The following FBXL7 variants were observed in gnomAD, a reference collection of about 807,000 sequenced individuals.
FBXL7 encodes F-box/LRR-repeat protein 7.
In FBXL7, 12 loss-of-function variants were observed where a neutral mutation model predicts 38.3. The ratio of observed to expected loss-of-function variants is 0.31; its 90% CI spans 0.20 to 0.51. The LOEUF (loss-of-function observed/expected upper bound fraction) is 0.51, where lower values mean the gene tolerates loss of function less well. FBXL7 is among the 20% of genes least tolerant of loss of function. The pLI, the probability that FBXL7 is intolerant of heterozygous loss-of-function variation, is 0.98. For synonymous variants in FBXL7, 297 were observed against 300.9 expected (o/e 0.99, Z 0.13); for missense variants, 567 against 676.4 (o/e 0.84, Z 1.79).
intron 2 of FBXL7, among the ~76,000 whole-genome samples, chr5:15,708,079 AT>A (rs1743746996): frequency 6.6e-6 from 1 of 152,134 alleles, no homozygotes; most frequent in African/African-American, 2.4e-5. Context: ...TTGATGATGT[AT>A]TTTCCACTTT....
intron 2 of FBXL7, among the ~76,000 whole-genome samples, chr5:15,706,150 C>A (rs919293622): frequency 6.6e-6 from 1 of 152,174 alleles, no homozygotes; most frequent in African/African-American, 2.4e-5. Context: ...CTGTCTAAAT[C>A]TTACGTTGAA....
rs183463661 is a variant in FBXL7, at chr5:15,651,853, C to T, written c.127+35781C>T. The stretch of plus-strand genomic sequence containing the variant: ...TAGCTGTGAAAGTTCTGGATGGCAC[C>T]TTCTTGTAATAAAAGGCTACTTCAT... On this transcript the variant is annotated intron_variant, in intron 2 of 3. Coordinates refer to ENST00000504595, the MANE Select transcript of FBXL7 (RefSeq NM_012304.5). Among the ~76,000 whole-genome samples the T allele has an allele frequency of 2.0e-3, 298 of 152,292 alleles. 4 individuals carry two copies. Among genetic ancestry groups the T allele is most frequent in the Non-Finnish European group, 3.6e-3 (242 of 68,028 alleles).
chr5:15,852,103 C>T (rs1055976701), intron 2 of FBXL7, among the ~76,000 whole-genome samples: 6 of 151,978 alleles, frequency 3.9e-5, no homozygotes, highest in Non-Finnish European at 8.8e-5. Context: ...GTGAAAAGTC[C>T]TTCAGTACAT....
At chr5:15,775,027 A>G (rs1736823864) in intron 2 of FBXL7, among the ~76,000 whole-genome samples, 1 of 152,244 alleles carries the variant, frequency 6.6e-6, no homozygotes, top group African/African-American at 2.4e-5. Context: ...ATCACCAGGT[A>G]GAAAACAGAA....
At chr5:15,758,873 A>T (rs900694884) in intron 2 of FBXL7, among the ~76,000 whole-genome samples, 3 of 152,138 alleles carry the variant, frequency 2.0e-5, no homozygotes, top group Non-Finnish European at 2.9e-5. Flanking sequence ...CATGCTATGG[A>T]TTTACACTTT....
chr5:15,663,250 C>A (rs950069545), intron 2 of FBXL7, among the ~76,000 whole-genome samples: 3 of 152,094 alleles, frequency 2.0e-5, no homozygotes, highest in African/African-American at 7.2e-5. Flanking sequence ...CTATTTTATT[C>A]TTTTTGTGGC....
At chr5:15,916,694 T>TA (rs1423401117) in intron 2 of FBXL7, among the ~76,000 whole-genome samples, 1 of 152,202 alleles carries the variant, frequency 6.6e-6, no homozygotes, top group Non-Finnish European at 1.5e-5. Flanking sequence ...CTTTCACAAT[T>TA]ACAATATTCC....
chr5:15,544,994 G>GAAAT (rs1240884835), intron 1 of FBXL7, among the ~76,000 whole-genome samples: 46 of 152,272 alleles, frequency 3.0e-4, no homozygotes, highest in African/African-American at 1.1e-3. Flanking sequence ...GAGAAAGAAA[G>GAAAT]AAATGAATCG....
At chr5:15,823,734 C>T (rs900347318) in intron 2 of FBXL7, among the ~76,000 whole-genome samples, 3 of 152,086 alleles carry the variant, frequency 2.0e-5, no homozygotes, top group Non-Finnish European at 2.9e-5. Flanking sequence ...TGATGTCTCA[C>T]GTGAGACCAT....
intron 2 of FBXL7, among the ~76,000 whole-genome samples, chr5:15,745,088 T>C (rs1186990365): frequency 6.6e-6 from 1 of 152,190 alleles, no homozygotes; most frequent in African/African-American, 2.4e-5. Flanking sequence ...AAACCTCAAA[T>C]GATTATCACA....
chr5:15,600,010 A>G (rs1461090207), intron 1 of FBXL7, among the ~76,000 whole-genome samples: 1 of 152,236 alleles, frequency 6.6e-6, no homozygotes, highest in Non-Finnish European at 1.5e-5. Context: ...ATAAGAAGCT[A>G]TAGGAGCAGT....
chr5:15,833,450 A>T (rs1738510634), intron 2 of FBXL7, among the ~76,000 whole-genome samples: 1 of 152,186 alleles, frequency 6.6e-6, no homozygotes, highest in Non-Finnish European at 1.5e-5. Context: ...TGAAATTTCA[A>T]CATATGAATT....
chr5:15,799,289 T>C (rs1362490065), intron 2 of FBXL7, among the ~76,000 whole-genome samples: 1 of 151,792 alleles, frequency 6.6e-6, no homozygotes, highest in East Asian at 1.9e-4. Context: ...GAAGAATGCA[T>C]GTCTGCATCT....
intron 2 of FBXL7, among the ~76,000 whole-genome samples, chr5:15,699,757 T>C (rs1290798593): frequency 6.6e-6 from 1 of 152,110 alleles, no homozygotes; most frequent in Admixed American, 6.5e-5. Context: ...CCTGACTCAG[T>C]AGGTAGGAGA....
chr5:15,587,579 T>C (rs1269765726), intron 1 of FBXL7, among the ~76,000 whole-genome samples: 1 of 152,224 alleles, frequency 6.6e-6, no homozygotes. Context: ...AGACAGAGTA[T>C]GTGTAGTTAT....
At chr5:15,826,068 G>A (rs146351) in intron 2 of FBXL7, among the ~76,000 whole-genome samples, 81,042 of 152,018 alleles carry the variant, frequency 0.53, 22,827 homozygotes, top group Non-Finnish European at 0.63. Flanking sequence ...ACATTTCTTC[G>A]CTAGGTAACA....
chr5:15,929,310 A>G (rs1328307455), intron 3 of FBXL7, among the ~76,000 whole-genome samples: 1 of 152,230 alleles, frequency 6.6e-6, no homozygotes, highest in African/African-American at 2.4e-5. Context: ...ATTGAATTAA[A>G]TCTTTAGTGC....
chr5:15,774,739 T>G (rs1473299083), intron 2 of FBXL7, among the ~76,000 whole-genome samples: 1 of 152,198 alleles, frequency 6.6e-6, no homozygotes, highest in African/African-American at 2.4e-5. Context: ...AATTTCAAAG[T>G]AGTTAGAGCG....
intron 1 of FBXL7, among the ~76,000 whole-genome samples, chr5:15,527,203 TTAAG>T (rs368372033): frequency 7.9e-5 from 12 of 152,244 alleles, no homozygotes; most frequent in African/African-American, 2.9e-4. Flanking sequence ...GAGATTCTTG[TTAAG>T]TAAGCATTCG....
Sources: allele counts gnomAD v4.1 joint callset (sites outside exome capture counted in the v4.1 genomes callset), GRCh38; gene constraint gnomAD v4.1.1; transcripts MANE v1.5; gene names NCBI Gene and HGNC (gene_info 2026-07-23, HGNC 2026-07-21).